MEIKIN: variants seen among roughly 807,000 people sequenced by gnomAD.
MEIKIN encodes meiosis-specific kinetochore protein.
intron 2 of MEIKIN, 181 bp from the exon 3 acceptor site, chr5:131,944,933 T>A (rs1751936345): frequency 2.5e-6 from 1 of 397,810 alleles, no homozygotes; most frequent in African/African-American, 2.1e-5. Context: ...CACCGACCAA[T>A]TTATCTCACT....
intron 11 of MEIKIN, among the ~76,000 whole-genome samples, chr5:131,835,960 A>G (rs1948704): frequency 0.78 from 118,577 of 151,994 alleles, 46,484 homozygotes; most frequent in Middle Eastern, 0.83. Context: ...GTAAACCCAT[A>G]TCATGGGGGT....
chr5:131,814,846 G>T (rs373265722), intron 12 of MEIKIN, among the ~76,000 whole-genome samples: 73 of 152,202 alleles, frequency 4.8e-4, no homozygotes, highest in African/African-American at 1.7e-3. Flanking sequence ...TCATACATAG[G>T]CTCAGCAATA....
intron 12 of MEIKIN, among the ~76,000 whole-genome samples, chr5:131,810,754 T>A (rs1322680347): frequency 2.0e-5 from 3 of 152,330 alleles, no homozygotes; most frequent in East Asian, 3.9e-4. Context: ...TCCAACGACT[T>A]ACCCACACCA....
intron 9 of MEIKIN, among the ~76,000 whole-genome samples, chr5:131,874,252 G>C (rs1281959621): frequency 6.6e-6 from 1 of 152,058 alleles, no homozygotes; most frequent in African/African-American, 2.4e-5. Context: ...CCGCTAGCAA[G>C]ACTAATAAAG....
intron 11 of MEIKIN, among the ~76,000 whole-genome samples, chr5:131,840,623 C>T (rs1214914921): frequency 6.6e-6 from 1 of 152,220 alleles, no homozygotes; most frequent in African/African-American, 2.4e-5. Context: ...ATTCTTTCCT[C>T]AGCCTGGTCT....
intron 3 of MEIKIN, 41 bp from the exon 4 acceptor site, chr5:131,942,736 A>G: frequency 5.0e-6 from 2 of 397,544 alleles, no homozygotes; most frequent in Non-Finnish European, 4.4e-6. Context: ...AAATTATGAG[A>G]TTGACCATTT....
At chr5:131,814,839 T>C (rs1276416576) in intron 12 of MEIKIN, among the ~76,000 whole-genome samples, 1 of 152,086 alleles carries the variant, frequency 6.6e-6, no homozygotes, top group Non-Finnish European at 1.5e-5. Flanking sequence ...ATGGAGGTCA[T>C]ACATAGGCTC....
intron 6 of MEIKIN, among the ~76,000 whole-genome samples, chr5:131,917,441 C>T (rs936932384): frequency 1.1e-4 from 16 of 151,816 alleles, no homozygotes; most frequent in Admixed American, 5.3e-4. Flanking sequence ...CAGCATATGC[C>T]TGTAATCCCA....
intron 11 of MEIKIN, among the ~76,000 whole-genome samples, chr5:131,830,903 G>GTT (rs1316525412): frequency 4.2e-5 from 6 of 144,194 alleles, no homozygotes; most frequent in African/African-American, 2.5e-5. Flanking sequence ...GAGGACTTTG[G>GTT]TTTTTTTTTT....
intron 8 of MEIKIN, 128 bp downstream of exon 8, chr5:131,911,687 A>T: frequency 2.6e-6 from 1 of 382,272 alleles, no homozygotes; most frequent in Non-Finnish European, 4.6e-6. Flanking sequence ...CAAGCTAAAA[A>T]GTACTCGGTT....
At chr5:131,940,318 C>T (rs1471210660) in intron 4 of MEIKIN, among the ~76,000 whole-genome samples, 1 of 152,176 alleles carries the variant, frequency 6.6e-6, no homozygotes, top group Non-Finnish European at 1.5e-5. Context: ...AGGAAATATT[C>T]CTCTAGTCTA....
chr5:131,888,110 C>T (rs1368174715), intron 8 of MEIKIN, among the ~76,000 whole-genome samples: 5 of 146,818 alleles, frequency 3.4e-5, no homozygotes, highest in Admixed American at 6.8e-5. Flanking sequence ...AGTCTATCAT[C>T]GTTGGACATT....
chr5:131,907,391 T>TA lies in MEIKIN; in HGVS notation c.703+4423dup, dbSNP rs904931963. On this transcript the variant is annotated intron_variant, in intron 8 of 12. Coordinates refer to ENST00000442687, the MANE Select transcript of MEIKIN (RefSeq NM_001303622.2). ...AATGAAACAAAAAATTGGTTTCTTG[T>TA]AAAAAAAAAACTGACAAACCTGTAG... 9.4e-3 allele frequency among the ~76,000 whole-genome samples: 1,358 copies of TA among 143,794 alleles called. 21 individuals are homozygous for TA. The highest frequency in any genetic ancestry group is 0.031 in the African/African-American group (1,232 of 39,226). The allele number at this position is 143,794 out of a possible 152,430, so 94.3% of individuals were successfully genotyped here.
intron 9 of MEIKIN, among the ~76,000 whole-genome samples, chr5:131,869,293 T>C (rs1481544245): frequency 6.6e-6 from 1 of 152,208 alleles, no homozygotes; most frequent in Non-Finnish European, 1.5e-5. Flanking sequence ...ACTATATTTA[T>C]ATGGGTCTAT....
At chr5:131,923,521 C>G (rs1751540997) in intron 5 of MEIKIN, among the ~76,000 whole-genome samples, 1 of 147,840 alleles carries the variant, frequency 6.8e-6, no homozygotes, top group Non-Finnish European at 1.5e-5. Flanking sequence ...ATTTTCTCCT[C>G]TTTTTTCCTC....
At chr5:131,920,237 A>G (rs1389809943) in intron 6 of MEIKIN, among the ~76,000 whole-genome samples, 2 of 152,192 alleles carry the variant, frequency 1.3e-5, no homozygotes, top group Non-Finnish European at 2.9e-5. Flanking sequence ...ATAAATATCC[A>G]TGAGTCTACA....
intron 12 of MEIKIN, among the ~76,000 whole-genome samples, chr5:131,817,547 C>T (rs1773124119): frequency 6.6e-6 from 1 of 150,738 alleles, no homozygotes; most frequent in Admixed American, 6.6e-5. Context: ...ACCTGGGAGA[C>T]GGAGCTTGCA....
intron 5 of MEIKIN, among the ~76,000 whole-genome samples, chr5:131,932,043 A>G (rs1000784138): frequency 2.0e-5 from 3 of 152,066 alleles, no homozygotes; most frequent in African/African-American, 7.2e-5. Flanking sequence ...GTATCTTTAG[A>G]TATTTTCTTC....
chr5:131,898,489 A>G (rs1751092535), intron 8 of MEIKIN, among the ~76,000 whole-genome samples: 1 of 152,190 alleles, frequency 6.6e-6, no homozygotes, highest in Admixed American at 6.5e-5. Flanking sequence ...AAGTCTGCAG[A>G]AGTTTCTGCT....
Sources: gnomAD v4.1 joint callset for allele counts (sites outside exome capture counted in the v4.1 genomes callset) on GRCh38, gnomAD v4.1.1 for gene constraint, MANE v1.5 for transcripts, NCBI Gene and HGNC (gene_info 2026-07-23, HGNC 2026-07-21) for gene names.